The following USP8 variants were observed in gnomAD, a reference collection of about 807,000 sequenced individuals.
USP8 encodes ubiquitin specific peptidase 8.
In USP8, 27 loss-of-function variants were observed where a neutral mutation model predicts 130.0. The ratio of observed to expected loss-of-function variants is 0.21; its 90% CI spans 0.15 to 0.29. The LOEUF is 0.29. Ranked by LOEUF, USP8 falls within the 10% of genes least tolerant of loss-of-function variation. The pLI is 1.00. For synonymous variants in USP8, 392 were observed against 444.1 expected (o/e 0.88, Z 1.48); for missense variants, 1,029 against 1,312.2 (o/e 0.78, Z 3.33).
rs1342603831 is a variant in USP8, at chr15:50,504,019, A to G, written c.*4931A>G. ...AGAATTTTCAGAAATGAGAAATACA[A>G]CATAGTTGGCCGTCCATATTTACGG... On this transcript the variant is annotated 3_prime_UTR_variant, in exon 20 of 20. Coordinates refer to ENST00000307179, the MANE Select transcript of USP8 (RefSeq NM_005154.5). The G allele has an allele frequency of 6.6e-6, 1 of 152,258 alleles. No individual in the cohort carries two copies. The highest frequency in any genetic ancestry group is 6.5e-5 in the Admixed American group (1 of 15,284). 9.4% of individuals were successfully genotyped at this position (152,258 alleles called of 1,614,324 possible). A position where few individuals can be genotyped will look rare whatever the true frequency, so the allele number is the denominator to read the frequency against.
At chr15:50,431,099 A>G (rs2049916483) in intron 1 of USP8, among the ~76,000 whole-genome samples, 1 of 151,440 alleles carries the variant, frequency 6.6e-6, no homozygotes, top group Non-Finnish European at 1.5e-5. Context: ...TTTAAACTGC[A>G]GTATTACTTT....
rs2052717258 is a variant in USP8, at chr15:50,510,052, A to C, written c.*10964A>C. On this transcript the variant is annotated 3_prime_UTR_variant, in exon 20 of 20. Transcript: ENST00000307179. The stretch of plus-strand genomic sequence containing the variant: ...TTAAGAATTAATTCAATATTAATTT[A>C]ATAAATTTAATATTTTATAGCTATA... 6.6e-6 allele frequency: 1 copy of C among 152,130 alleles called. No individual in the cohort carries two copies. The highest frequency in any genetic ancestry group is 1.5e-5 in the Non-Finnish European group (1 of 68,016). 9.4% of individuals were successfully genotyped at this position (152,130 alleles called of 1,614,324 possible).
chr15:50,453,691 C>T (rs1362634684), intron 4 of USP8, among the ~76,000 whole-genome samples: 1 of 152,020 alleles, frequency 6.6e-6, no homozygotes, highest in Non-Finnish European at 1.5e-5. Context: ...CAAGTTGTAA[C>T]AATTACTGAG....
intron 12 of USP8, 29 bp downstream of exon 12, chr15:50,484,390 G>GA (rs767358605): frequency 3.4e-5 from 53 of 1,549,592 alleles, no homozygotes; most frequent in Admixed American, 1.1e-4. Context: ...GAAAAAACTG[G>GA]AAAAAAAAGC....
chr15:50,465,173 A>G lies in USP8; in HGVS notation c.668A>G (p.Glu223Gly). Reference protein sequence around the residue: ...SCILHSLSVPEEAISPGVTAS... With the variant: ...SCILHSLSVPGEAISPGVTAS... ...ATTTTACATTCTCTCAGTGTTCCTG[A>G]AGAAGCCATCAGTCCAGGGTGGGTT... The change falls in exon 7 of 20, where the codon GAA becomes GGA. Residue 223 changes from glutamate to glycine, a missense_variant. By Grantham distance (98) the Glu-to-Gly change is moderately conservative. Coordinates refer to ENST00000307179, the MANE Select transcript of USP8 (RefSeq NM_005154.5). The G allele has an allele frequency of 6.2e-7, 1 of 1,613,888 alleles. No individual in the cohort carries two copies. Among genetic ancestry groups the G allele is most frequent in the Non-Finnish European group, 8.5e-7 (1 of 1,179,814 alleles).
intron 10 of USP8, among the ~76,000 whole-genome samples, chr15:50,480,150 A>G (rs1443756961): frequency 6.6e-6 from 1 of 152,066 alleles, no homozygotes; most frequent in African/African-American, 2.4e-5. Context: ...ATAAGTTTTT[A>G]TTTTTCTTTC....
intron 1 of USP8, among the ~76,000 whole-genome samples, chr15:50,433,095 G>T (rs1338876946): frequency 1.3e-5 from 2 of 152,140 alleles, no homozygotes; most frequent in Non-Finnish European, 2.9e-5. Context: ...ACAAAAATTA[G>T]TGGGGCATGG....
rs35172083 is a variant in USP8, at chr15:50,469,831, AT to A, written c.687-1783del. Among the ~76,000 whole-genome samples, 1,096 of 136,040 alleles carry A rather than the reference AT, an allele frequency of 8.1e-3. 7 individuals are homozygous for A. Among genetic ancestry groups the A allele is most frequent in the African/African-American group, 0.021 (797 of 37,104 alleles). 89.2% of individuals were successfully genotyped at this position (136,040 alleles called of 152,430 possible). A position where few individuals can be genotyped will look rare whatever the true frequency, so the allele number is the denominator to read the frequency against. ...TTCACTCATTCAATTATTAAATCCAATTTTTTTTTTTTTTTTTTTGAGACAG... is the reference window on the plus strand; with the variant it reads ...TTCACTCATTCAATTATTAAATCCAATTTTTTTTTTTTTTTTTTGAGACAG... On this transcript the variant is annotated intron_variant, in intron 7 of 19. Coordinates refer to ENST00000307179, the MANE Select transcript of USP8 (RefSeq NM_005154.5).
At position 50,513,518 on chromosome 15, in the gene USP8, TAAAAAAAAAAA is replaced by T. The variant is rs35523535; in HGVS notation, c.*14440_*14450del. ...AGTTCGAGACAAGAGCGAAACTGTC[TAAAAAAAAAAA>T]AAAAAAAAAGAGTGAAGAATCAAGC... is the stretch of plus-strand genomic sequence containing the variant. On this transcript the variant is annotated 3_prime_UTR_variant, in exon 20 of 20. Transcript: ENST00000307179. 10 of 85,980 alleles carry T rather than the reference TAAAAAAAAAAA, an allele frequency of 1.2e-4. No homozygotes were observed. Among genetic ancestry groups the T allele is most frequent in the African/African-American group, 2.2e-4 (5 of 22,282 alleles). 5.3% of individuals were successfully genotyped at this position (85,980 alleles called of 1,614,324 possible). A position where few individuals can be genotyped will look rare whatever the true frequency, so the allele number is the denominator to read the frequency against.
intron 2 of USP8, among the ~76,000 whole-genome samples, chr15:50,439,982 G>A (rs2050203613): frequency 6.6e-6 from 1 of 152,098 alleles, no homozygotes; most frequent in African/African-American, 2.4e-5. Flanking sequence ...CAGCTAGTGG[G>A]GGGCTGAGGG....
chr15:50,500,716 T>A lies in USP8; in HGVS notation c.*1628T>A. ...GCTATAGAACAGGAGATCCATAGCA[T>A]TTTGAACAGAAGTATCTGGAATCTC... On this transcript the variant is annotated 3_prime_UTR_variant, in exon 20 of 20. Coordinates refer to ENST00000307179, the MANE Select transcript of USP8 (RefSeq NM_005154.5). The A allele has an allele frequency of 1.3e-6, 2 of 1,518,460 alleles. No homozygotes were observed. Among genetic ancestry groups the A allele is most frequent in the South Asian group, 2.4e-5 (2 of 83,556 alleles). The allele number at this position is 1,518,460 out of a possible 1,614,324, so 94.1% of individuals were successfully genotyped here. A position where few individuals can be genotyped will look rare whatever the true frequency, so the allele number is the denominator to read the frequency against.
intron 4 of USP8, among the ~76,000 whole-genome samples, chr15:50,450,486 T>G (rs1358870443): frequency 2.7e-5 from 3 of 109,446 alleles, no homozygotes; most frequent in African/African-American, 8.4e-5. Flanking sequence ...TTTTTTTTTT[T>G]GGAGACGGAG....
At chr15:50,476,274 C>T (rs1163444857) in intron 8 of USP8, among the ~76,000 whole-genome samples, 1 of 152,102 alleles carries the variant, frequency 6.6e-6, no homozygotes, top group African/African-American at 2.4e-5. Context: ...ACGAAAAGTA[C>T]AAAAATTAGC....
chr15:50,473,748 C>G (rs2051460197), intron 8 of USP8, among the ~76,000 whole-genome samples: 1 of 151,834 alleles, frequency 6.6e-6, no homozygotes, highest in South Asian at 2.1e-4. Context: ...TTCCTCCCAC[C>G]TTGGCCACCC....
In USP8 at chr15:50,481,972, T is replaced by C; in HGVS notation, c.1710T>C (p.Asp570=). 1 of 1,603,358 alleles carries C rather than the reference T, an allele frequency of 6.2e-7. No individual in the cohort carries two copies. The highest frequency in any genetic ancestry group is 8.5e-7 in the Non-Finnish European group (1 of 1,177,250). Reference sequence around the variant, plus strand: ...CTGATGCCAAGAAATCTGTAGAAGATAGGGGGAAAAGGTGTCCAACCCCAG... The same window carrying C: ...CTGATGCCAAGAAATCTGTAGAAGACAGGGGGAAAAGGTGTCCAACCCCAG... ...ETSDAKKSVE[D]RGKRCPTPEI... The change falls in exon 11 of 20, where the codon GAT becomes GAC. Residue 570 remains aspartate (D), a synonymous_variant. Coordinates refer to ENST00000307179, the MANE Select transcript of USP8 (RefSeq NM_005154.5).
intron 6 of USP8, among the ~76,000 whole-genome samples, chr15:50,464,377 C>T (rs1402061110): frequency 1.3e-5 from 2 of 152,166 alleles, no homozygotes; most frequent in African/African-American, 4.8e-5. Context: ...TTTCTTTCTT[C>T]CAGTTAGCAT....
Position 50,481,786 on chromosome 15 carries a change from A to G in USP8, c.1524A>G (p.Glu508=). ...EQEQKAKKKQ[E]AEENEITEKQ... ...AACAAAAAGCCAAAAAGAAACAAGA[A>G]GCTGAAGAAAATGAAATTACAGAGA... is the stretch of plus-strand genomic sequence containing the variant. Residue 508 remains glutamate, a synonymous_variant, in exon 11 of 20, where the codon GAA becomes GAG. Coordinates refer to ENST00000307179, the MANE Select transcript of USP8 (RefSeq NM_005154.5). 8 of 1,545,528 alleles carry G rather than the reference A, an allele frequency of 5.2e-6. No homozygotes were observed. Among genetic ancestry groups the G allele is most frequent in the Non-Finnish European group, 6.9e-6 (8 of 1,151,262 alleles).
intron 1 of USP8, among the ~76,000 whole-genome samples, chr15:50,434,071 T>C (rs2050018972): frequency 6.6e-6 from 1 of 152,070 alleles, no homozygotes; most frequent in Non-Finnish European, 1.5e-5. Context: ...AGTTATTTTT[T>C]TTTCACTTGC....
chr15:50,462,426 T>G, intron 6 of USP8, 104 bp downstream of exon 6: 1 of 991,082 alleles, frequency 1.0e-6, no homozygotes, highest in Non-Finnish European at 1.5e-6. Context: ...CATTGTTGTC[T>G]AATCTCTATG....
Sources: gnomAD v4.1 joint callset for allele counts (sites outside exome capture counted in the v4.1 genomes callset) on GRCh38, gnomAD v4.1.1 for gene constraint, MANE v1.5 for transcripts, NCBI Gene and HGNC (gene_info 2026-07-23, HGNC 2026-07-21) for gene names.